The following ANK3 variants were observed in gnomAD, a reference collection of about 807,000 sequenced individuals.
ANK3 encodes ankyrin 3, also known as ankyrin-3.
Under a neutral mutation model 370.9 loss-of-function variants are expected in ANK3, and 57 were observed. The observed-to-expected ratio is 0.15, with a 90% CI of 0.12 to 0.19. ANK3 has a LOEUF of 0.19. Ranked by LOEUF, ANK3 falls within the 10% of genes least tolerant of loss-of-function variation. The pLI is 1.00. For missense variants in ANK3, 4,439 were observed against 5,302.1 expected (o/e 0.84, Z 5.06); for synonymous variants, 1,929 against 1,946.3 (o/e 0.99, Z 0.23).
rs748542017 is a variant in ANK3, at chr10:60,073,044, C to A, written c.7837G>T (p.Ala2613Ser). The A allele has an allele frequency of 1.4e-5, 22 of 1,614,100 alleles. No homozygotes were observed. Among genetic ancestry groups the A allele is most frequent in the Non-Finnish European group, 1.7e-5 (20 of 1,180,008 alleles). Residue 2613 changes from alanine (A) to serine (S), a missense_variant, in exon 37 of 44, where the codon GCA (alanine) becomes TCA (serine). Transcript: ENST00000280772. Reference protein sequence around the residue: ...NDELQSPEKKARPKNGKEYSS... With the variant: ...NDELQSPEKKSRPKNGKEYSS... Reference sequence around the variant, plus strand: ...TATTCTTTGCCATTTTTAGGGCGTGCCTTTTTCTCTGGGGACTGCAGTTCA... The same window carrying A: ...TATTCTTTGCCATTTTTAGGGCGTGACTTTTTCTCTGGGGACTGCAGTTCA...
At chr10:60,622,775 T>G (rs557365380) in intron 1 of ANK3, among the ~76,000 whole-genome samples, 1 of 152,240 alleles carries the variant, frequency 6.6e-6, no homozygotes, top group South Asian at 2.1e-4. Flanking sequence ...GGAGAGAGCA[T>G]AGATCTGAAG....
intron 1 of ANK3, among the ~76,000 whole-genome samples, chr10:60,355,973 G>T (rs1428024748): frequency 2.0e-5 from 3 of 152,194 alleles, no homozygotes; most frequent in South Asian, 2.1e-4. Flanking sequence ...GCAATTTAAT[G>T]TGGGCATCGT....
chr10:60,097,171 A>C (rs2090311745), intron 28 of ANK3, among the ~76,000 whole-genome samples: 1 of 152,166 alleles, frequency 6.6e-6, no homozygotes, highest in Admixed American at 6.5e-5. Context: ...CAGAGAGGTG[A>C]AGTGACTTGT....
chr10:60,409,194 C>T (rs1345276503), intron 2 of ANK3, among the ~76,000 whole-genome samples: 2 of 152,194 alleles, frequency 1.3e-5, no homozygotes, highest in Non-Finnish European at 2.9e-5. Context: ...AGCCTCCCTT[C>T]ATGCCACGTA....
At position 60,469,210 on chromosome 10, in the gene ANK3, C is replaced by G. The variant is rs1283701659; in HGVS notation, c.96+145976G>C. Among the ~76,000 whole-genome samples the G allele has an allele frequency of 5.6e-5, 5 of 88,598 alleles. 1 individual carries two copies. The highest frequency in any genetic ancestry group is 1.7e-4 in the African/African-American group (4 of 23,280). The allele number at this position is 88,598 out of a possible 152,430, so 58.1% of individuals were successfully genotyped here. On this transcript the variant is annotated intron_variant, in intron 2 of 43. Transcript: ENST00000373827. ...ACCACTTTTAGTGTATATATATATA[C>G]CACTTTTAGTGCATATATATATATA...
chr10:60,053,420 CA>C (rs1412588496), intron 42 of ANK3, among the ~76,000 whole-genome samples: 1 of 152,064 alleles, frequency 6.6e-6, no homozygotes, highest in African/African-American at 2.4e-5. Flanking sequence ...CATAATCCTA[CA>C]AAAAAATCAT....
chr10:60,595,160 G>A (rs2077969896), intron 2 of ANK3, among the ~76,000 whole-genome samples: 1 of 152,088 alleles, frequency 6.6e-6, no homozygotes, highest in Admixed American at 6.6e-5. Flanking sequence ...TCACGTTTTT[G>A]TAACTGTCCC....
intron 1 of ANK3, among the ~76,000 whole-genome samples, chr10:60,639,929 A>G (rs2078607111): frequency 6.6e-6 from 1 of 152,048 alleles, no homozygotes; most frequent in African/African-American, 2.4e-5. Context: ...AAGCTGGATA[A>G]AAAAATAAGA....
At chr10:60,596,142 A>G (rs1028752535) in intron 2 of ANK3, among the ~76,000 whole-genome samples, 1 of 152,182 alleles carries the variant, frequency 6.6e-6, no homozygotes, top group Non-Finnish European at 1.5e-5. Flanking sequence ...CATGAATAAG[A>G]CTATGATACA....
intron 25 of ANK3, among the ~76,000 whole-genome samples, chr10:60,116,846 A>G (rs1001772561): frequency 2.0e-5 from 3 of 152,192 alleles, no homozygotes; most frequent in Admixed American, 6.5e-5. Flanking sequence ...AGAGCCAAAG[A>G]CAGAGGTTGC....
rs1053185516 is a variant in ANK3, at chr10:60,313,996, C to T, written c.115-34357G>A. Among the ~76,000 whole-genome samples the T allele has an allele frequency of 4.3e-5, 6 of 141,000 alleles. No homozygotes were observed. In the East Asian group the frequency reaches 1.1e-3, roughly 25 times the overall value. 92.5% of individuals were successfully genotyped at this position (141,000 alleles called of 152,430 possible). On this transcript the variant is annotated intron_variant, in intron 1 of 43. Transcript: ENST00000280772. ...TTATATGTAGCTCTAGTAGTTTATT[C>T]TCCATCTCCCTGCTAGAGTGTGCAC...
At chr10:60,033,536 A>AAAAAAAAAC (rs1554812951) in intron 43 of ANK3, among the ~76,000 whole-genome samples, 173 of 98,402 alleles carry the variant, frequency 1.8e-3, no homozygotes, top group Non-Finnish European at 3.0e-3. Flanking sequence ...AAAAAAAAAA[A>AAAAAAAAAC]AAACTTGGAA....
chr10:60,482,551 A>T (rs2075251013), intron 2 of ANK3, among the ~76,000 whole-genome samples: 1 of 152,134 alleles, frequency 6.6e-6, no homozygotes, highest in Non-Finnish European at 1.5e-5. Context: ...GCAGTGGCTG[A>T]TCACAGCTTA....
At chr10:60,340,246 A>G (rs2053942891) in intron 1 of ANK3, among the ~76,000 whole-genome samples, 1 of 152,148 alleles carries the variant, frequency 6.6e-6, no homozygotes, top group Non-Finnish European at 1.5e-5. Flanking sequence ...CCACTGGTCT[A>G]AGTATTGGTT....
chr10:60,395,626 C>CTT (rs60896139), intron 2 of ANK3, among the ~76,000 whole-genome samples: 7 of 71,220 alleles, frequency 9.8e-5, no homozygotes, highest in South Asian at 5.9e-4. Flanking sequence ...CGTTCTCTCT[C>CTT]TCTCTCTCTC....
Position 60,375,575 on chromosome 10 carries a change from C to T in ANK3, c.114+13850G>A, listed in dbSNP as rs138926151. Among the ~76,000 whole-genome samples, 268 of 152,214 alleles carry T rather than the reference C, an allele frequency of 1.8e-3. 4 individuals carry two copies. The highest frequency in any genetic ancestry group is 6.2e-3 in the African/African-American group (256 of 41,548). On this transcript the variant is annotated intron_variant, in intron 1 of 43. Transcript: ENST00000280772. ...AGGCCGAGGCACCTTCACTGACTGT[C>T]GGGGTGCTGGTGCAGAAGCAGCTGG...
At chr10:60,370,261 T>C (rs1222929732) in intron 1 of ANK3, among the ~76,000 whole-genome samples, 1 of 152,148 alleles carries the variant, frequency 6.6e-6, no homozygotes, top group African/African-American at 2.4e-5. Context: ...ACTATTCTCA[T>C]GTAAAATTGT....
At chr10:60,122,261 C>T (rs2093525614) in intron 25 of ANK3, among the ~76,000 whole-genome samples, 1 of 152,202 alleles carries the variant, frequency 6.6e-6, no homozygotes, top group East Asian at 1.9e-4. Flanking sequence ...GAAAGGTAGC[C>T]AGGAAGGTTC....
intron 34 of ANK3, 27 bp from the exon 35 acceptor site, chr10:60,082,203 G>A (rs1448300986): frequency 1.3e-6 from 2 of 1,596,450 alleles, no homozygotes; most frequent in African/African-American, 1.3e-5. Context: ...GCATTGCAGA[G>A]ACAAGGAATA....
Sources: allele counts gnomAD v4.1 joint callset (sites outside exome capture counted in the v4.1 genomes callset), GRCh38; gene constraint gnomAD v4.1.1; transcripts MANE v1.5; gene names NCBI Gene and HGNC (gene_info 2026-07-23, HGNC 2026-07-21).